Variants in TCN2 observed in about 807,000 individuals in gnomAD.
TCN2 encodes transcobalamin-2.
A neutral mutation model predicts 48.6 loss-of-function variants in TCN2; 34 were observed. That is an observed-to-expected ratio of 0.70 (90% CI 0.53 to 0.93). The LOEUF (loss-of-function observed/expected upper bound fraction) is 0.93, where lower values mean the gene tolerates loss of function less well. Ranked by LOEUF, TCN2 falls within the 40% of genes least tolerant of loss-of-function variation. The probability of loss-of-function intolerance (pLI) is 0.00; values close to 1 mark genes in which losing one functional copy is unlikely to be tolerated. For synonymous variants in TCN2, 283 were observed against 212.5 expected, an observed-to-expected ratio of 1.33 and a Z score of -2.89; for missense variants, 652 against 526.1, an observed-to-expected ratio of 1.24 and a Z score of -2.34.
At chr22:30,610,127 T>C in intron 1 of TCN2, 1 of 457,198 alleles carries the variant, frequency 2.2e-6, no homozygotes, top group South Asian at 1.6e-5. Context: ...TTGAGTATTT[T>C]CGTTGCACAG....
chr22:30,612,336 G>A (rs1331622557), intron 2 of TCN2, among the ~76,000 whole-genome samples: 1 of 152,124 alleles, frequency 6.6e-6, no homozygotes, highest in African/African-American at 2.4e-5. Flanking sequence ...ATCACATGAG[G>A]TTAGGAGTTC....
Position 30,623,827 on chromosome 22 carries a change from CACACAT to C in TCN2, c.1222+746_1222+751del, listed in dbSNP as rs1409466372. Among the ~76,000 whole-genome samples, 19 of 26,938 alleles carry C rather than the reference CACACAT, an allele frequency of 7.1e-4. 5 individuals are homozygous for C. In the East Asian group the frequency reaches 0.01, roughly 14 times the overall value. The allele number at this position is 26,938 out of a possible 152,430, so 17.7% of individuals were successfully genotyped here. A position where few individuals can be genotyped will look rare whatever the true frequency, so the allele number is the denominator to read the frequency against. ...ATACACATATATACACACACATACACACACATATACACACACATACATACACATACA... is the reference window on the plus strand; with the variant it reads ...ATACACATATATACACACACATACACATACACACACATACATACACATACA... On this transcript the variant is annotated intron_variant, in intron 8 of 8. Transcript: ENST00000215838.
Position 30,610,996 on chromosome 22 carries a change from C to T in TCN2, c.190C>T (p.Gln64Ter), listed in dbSNP as rs2087531061. 6.2e-7 allele frequency: 1 copy of T among 1,614,076 alleles called. No homozygotes were observed. The highest frequency in any genetic ancestry group is 8.5e-7 in the Non-Finnish European group (1 of 1,180,036). Residue 64 changes from glutamine (Q) to a stop codon, truncating the protein, a stop_gained, in exon 2 of 9, where the codon CAG (glutamine) becomes TAG (stop). Coordinates refer to ENST00000215838, the MANE Select transcript of TCN2 (RefSeq NM_000355.4). LOFTEE classifies it high-confidence loss of function. ...TGTGGGCCTACGCCTCTCCAGTCTG[C>T]AGGCTGGGACCAAGGAAGACCTCTA... ...IYVGLRLSSL[Q>*]AGTKEDLYLH...
chr22:30,617,795 T>C (rs2087636006), intron 7 of TCN2: 2 of 443,250 alleles, frequency 4.5e-6, no homozygotes, highest in South Asian at 4.1e-5. Flanking sequence ...GTTGTGCCCC[T>C]TCCCTGCAGG....
chr22:30,608,717 C>G (rs2087490440), intron 1 of TCN2, among the ~76,000 whole-genome samples: 1 of 152,104 alleles, frequency 6.6e-6, no homozygotes, highest in South Asian at 2.1e-4. Context: ...ATCTGTGTTC[C>G]ATAAATGCAA....
At chr22:30,620,143 C>CT (rs35127123) in intron 7 of TCN2, among the ~76,000 whole-genome samples, 152 of 144,900 alleles carry the variant, frequency 1.0e-3, no homozygotes, top group East Asian at 4.2e-3. Context: ...GATGACAAAA[C>CT]TTTTTTTTTT....
intron 8 of TCN2, 140 bp downstream of exon 8, chr22:30,623,223 A>G (rs1240240980): frequency 2.7e-6 from 2 of 754,312 alleles, no homozygotes; most frequent in African/African-American, 1.8e-5. Flanking sequence ...AAAGTTGGAT[A>G]TAATATATTG....
At chr22:30,607,879 T>A (rs1169752271) in intron 1 of TCN2, among the ~76,000 whole-genome samples, 4 of 151,760 alleles carry the variant, frequency 2.6e-5, no homozygotes, top group African/African-American at 7.3e-5. Flanking sequence ...ATAAAAAAAA[T>A]TAAAAAATAG....
rs773549344 is a variant in TCN2 at position 30,607,349 on chromosome 22, C to T, written c.18C>T (p.Ala6=). MRHLG[A]FLFLLGVLGA... is the part of the protein sequence containing the mutation. ...CTGCTGCCATGAGGCACCTTGGGGCCTTCCTCTTCCTTCTGGGGGTCCTGG... is the reference window on the plus strand; with the variant it reads ...CTGCTGCCATGAGGCACCTTGGGGCTTTCCTCTTCCTTCTGGGGGTCCTGG... The change falls in exon 1 of 9, where the codon GCC becomes GCT. Residue 6 remains alanine (A), a synonymous_variant. Transcript: ENST00000215838. 26 of 1,614,142 alleles carry T rather than the reference C, an allele frequency of 1.6e-5. No homozygotes were observed. In the South Asian group the frequency reaches 2.4e-4, roughly 15 times the overall value.
intron 8 of TCN2, 50 bp from the exon 9 acceptor site, chr22:30,626,410 G>C: frequency 8.2e-6 from 13 of 1,593,200 alleles, no homozygotes; most frequent in African/African-American, 4.0e-5. Context: ...AGGTTGCGGG[G>C]TGCGATATTC....
At chr22:30,610,395 G>C in intron 1 of TCN2, 1 of 426,162 alleles carries the variant, frequency 2.3e-6, no homozygotes. Flanking sequence ...ACATTCAGCA[G>C]GGCACCAAAG....
intron 8 of TCN2, among the ~76,000 whole-genome samples, chr22:30,625,943 C>T (rs1011039873): frequency 1.3e-5 from 2 of 152,150 alleles, no homozygotes; most frequent in Admixed American, 6.5e-5. Context: ...ATTTCTGACA[C>T]CTGGCTATCT....
intron 3 of TCN2, among the ~76,000 whole-genome samples, chr22:30,613,358 C>T (rs2087568854): frequency 5.3e-5 from 8 of 152,220 alleles, no homozygotes; most frequent in Admixed American, 5.2e-4. Context: ...CAGCTCACCG[C>T]AATCTCTGCC....
chr22:30,616,198 A>G (rs1006810636), intron 6 of TCN2, among the ~76,000 whole-genome samples: 2 of 152,184 alleles, frequency 1.3e-5, no homozygotes, highest in South Asian at 2.1e-4. Flanking sequence ...AGAATGGAGA[A>G]AGAGGCCAGG....
Position 30,610,984 on chromosome 22 carries a change from C to T in TCN2, c.178C>T (p.Leu60Phe). The T allele has an allele frequency of 6.2e-7, 1 of 1,614,222 alleles. No individual in the cohort carries two copies. Among genetic ancestry groups the T allele is most frequent in the Non-Finnish European group, 8.5e-7 (1 of 1,180,044 alleles). ...CCCCAGCATCTATGTGGGCCTACGC[C>T]TCTCCAGTCTGCAGGCTGGGACCAA... ...LNPSIYVGLR[L>F]SSLQAGTKED... Residue 60 changes from leucine to phenylalanine, a missense_variant, in exon 2 of 9, where the codon CTC becomes TTC. Coordinates refer to ENST00000215838, the MANE Select transcript of TCN2 (RefSeq NM_000355.4).
intron 8 of TCN2, among the ~76,000 whole-genome samples, chr22:30,624,064 A>ATATACG (rs1569047304): frequency 1.7e-4 from 9 of 51,812 alleles, no homozygotes; most frequent in South Asian, 4.3e-4. Flanking sequence ...ACACACACAT[A>ATATACG]TATATATATA....
intron 8 of TCN2, 149 bp downstream of exon 8, chr22:30,623,232 T>A (rs1001116666): frequency 1.5e-6 from 1 of 679,896 alleles, no homozygotes; most frequent in Admixed American, 2.7e-5. Flanking sequence ...TATAATATAT[T>A]GAACTGAAGC....
chr22:30,623,270 G>C (rs760289382), intron 8 of TCN2, 187 bp downstream of exon 8: 6 of 510,698 alleles, frequency 1.2e-5, no homozygotes, highest in Non-Finnish European at 1.7e-5. Context: ...AGTTACTGTG[G>C]AAATTCTAGG....
Position 30,623,820 on chromosome 22 carries a change from A to T in TCN2, c.1222+737A>T, listed in dbSNP as rs1249350578. Among the ~76,000 whole-genome samples the T allele has an allele frequency of 3.4e-5, 2 of 58,448 alleles. 1 individual carries two copies. Among genetic ancestry groups the T allele is most frequent in the Non-Finnish European group, 5.6e-5 (2 of 35,728 alleles). The allele number at this position is 58,448 out of a possible 152,430, so 38.3% of individuals were successfully genotyped here. A position where few individuals can be genotyped will look rare whatever the true frequency, so the allele number is the denominator to read the frequency against. ...TACACACATACACATATATACACACACATACACACACATATACACACACAT... is the reference window on the plus strand; with the variant it reads ...TACACACATACACATATATACACACTCATACACACACATATACACACACAT... On this transcript the variant is annotated intron_variant, in intron 8 of 8. Coordinates refer to ENST00000215838, the MANE Select transcript of TCN2 (RefSeq NM_000355.4).
Sources: allele counts gnomAD v4.1 joint callset (sites outside exome capture counted in the v4.1 genomes callset), GRCh38; gene constraint gnomAD v4.1.1; transcripts MANE v1.5; gene names NCBI Gene and HGNC (gene_info 2026-07-23, HGNC 2026-07-21).